The following SVOPL variants were observed in gnomAD, a reference collection of about 807,000 sequenced individuals.
SVOPL encodes the protein SVOP like.
A neutral mutation model predicts 61.0 loss-of-function variants in SVOPL; 60 were observed. That is an observed-to-expected ratio of 0.98 (90% confidence interval 0.80 to 1.22). The LOEUF (loss-of-function observed/expected upper bound fraction) is 1.22, where lower values mean the gene tolerates loss of function less well. SVOPL is among the 50% of genes most tolerant of loss of function. The pLI is 0.00. For missense variants in SVOPL, 662 were observed against 643.9 expected (o/e 1.03, Z -0.30); for synonymous variants, 279 against 250.0 (o/e 1.12, Z -1.09).
At chr7:138,635,552 A>C (rs1040897592) in intron 9 of SVOPL, among the ~76,000 whole-genome samples, 1 of 151,992 alleles carries the variant, frequency 6.6e-6, no homozygotes, top group Admixed American at 6.6e-5. Context: ...GTTTTGTTTT[A>C]AACTTGATAA....
chr7:138,623,032 G>A (rs1275603335), intron 13 of SVOPL, among the ~76,000 whole-genome samples: 1 of 152,198 alleles, frequency 6.6e-6, no homozygotes, highest in Middle Eastern at 3.4e-3. Flanking sequence ...CCACATCTTT[G>A]CCACCATCTG....
At chr7:138,623,937 A>G (rs956430810) in intron 13 of SVOPL, among the ~76,000 whole-genome samples, 2 of 151,958 alleles carry the variant, frequency 1.3e-5, no homozygotes. Flanking sequence ...CTCCTGCCTC[A>G]GCCTCCCAAG....
rs33996391 is a variant in SVOPL, at chr7:138,647,847, C to CAA, written c.660+1163_660+1164dup. On this transcript the variant is annotated intron_variant, in intron 8 of 15. Coordinates refer to ENST00000674285, the MANE Select transcript of SVOPL (RefSeq NM_001139456.2). ...TGGGCAATAGAGTAAGACTCCGTTTCAAAAAAAAAAAAAAAAAAAATAGTC... is the reference window on the plus strand; with the variant it reads ...TGGGCAATAGAGTAAGACTCCGTTTCAAAAAAAAAAAAAAAAAAAAAATAGTC... Among the ~76,000 whole-genome samples the CAA allele has an allele frequency of 7.2e-4, 74 of 102,716 alleles. 1 individual carries two copies. In the South Asian group the frequency reaches 0.017, roughly 24 times the overall value. The allele number at this position is 102,716 out of a possible 152,430, so 67.4% of individuals were successfully genotyped here.
intron 4 of SVOPL, among the ~76,000 whole-genome samples, chr7:138,666,106 G>A (rs552147552): frequency 3.0e-4 from 46 of 152,334 alleles, no homozygotes; most frequent in African/African-American, 1.1e-3. Flanking sequence ...ACTGATCCTT[G>A]TAGCCAAGGA....
At chr7:138,652,594 T>C (rs1294970154) in intron 7 of SVOPL, among the ~76,000 whole-genome samples, 1 of 147,130 alleles carries the variant, frequency 6.8e-6, no homozygotes, top group Admixed American at 7.1e-5. Context: ...AACAGGCAAG[T>C]TGTGAATGCA....
chr7:138,675,167 G>A (rs890368061), intron 3 of SVOPL, among the ~76,000 whole-genome samples: 3 of 151,562 alleles, frequency 2.0e-5, no homozygotes, highest in African/African-American at 7.3e-5. Context: ...TTGGGAGGCC[G>A]AGGTGGGAGG....
At chr7:138,684,648 T>A (rs914769277) in intron 1 of SVOPL, among the ~76,000 whole-genome samples, 5 of 152,180 alleles carry the variant, frequency 3.3e-5, no homozygotes, top group Non-Finnish European at 5.9e-5. Context: ...AAGGAACCCT[T>A]GTACACTGTT....
At chr7:138,689,848 C>T (rs1257872030) in intron 1 of SVOPL, among the ~76,000 whole-genome samples, 13 of 133,208 alleles carry the variant, frequency 9.8e-5, no homozygotes, top group Non-Finnish European at 1.7e-4. Context: ...CACAGTGAGA[C>T]TCCGTCTCAA....
chr7:138,631,822 G>A (rs1191440234), intron 9 of SVOPL, among the ~76,000 whole-genome samples: 1 of 152,010 alleles, frequency 6.6e-6, no homozygotes, highest in African/African-American at 2.4e-5. Flanking sequence ...ACCCGCCTTG[G>A]CCTCCCAAAG....
intron 11 of SVOPL, 139 bp from the exon 12 acceptor site, chr7:138,627,600 A>T (rs1169136800): frequency 1.5e-6 from 1 of 647,522 alleles, no homozygotes; most frequent in East Asian, 2.8e-5. Flanking sequence ...GCCAAAATCC[A>T]GTCACGTTGT....
At position 138,632,710 on chromosome 7, in the gene SVOPL, A is replaced by AG. The variant is rs1491097263; in HGVS notation, c.790-2589dup. On this transcript the variant is annotated intron_variant, in intron 9 of 15. Coordinates refer to ENST00000674285, the MANE Select transcript of SVOPL (RefSeq NM_001139456.2). ...AGAATGTGCAGGGAAGATGGGAGACAGGGGGTTGTGGAGGGAGGATGGGGG... is the reference window on the plus strand; with the variant it reads ...AGAATGTGCAGGGAAGATGGGAGACAGGGGGGTTGTGGAGGGAGGATGGGGG... Among the ~76,000 whole-genome samples the AG allele has an allele frequency of 2.9e-5, 4 of 137,668 alleles. No individual in the cohort carries two copies. In the East Asian group the frequency reaches 9.3e-4, roughly 32 times the overall value. The allele number at this position is 137,668 out of a possible 152,430, so 90.3% of individuals were successfully genotyped here.
At chr7:138,640,208 G>A (rs960482916) in intron 9 of SVOPL, among the ~76,000 whole-genome samples, 2 of 94,786 alleles carry the variant, frequency 2.1e-5, no homozygotes, top group Non-Finnish European at 4.0e-5. Context: ...CAAAGACAAT[G>A]ATTTTTTTTT....
intron 6 of SVOPL, among the ~76,000 whole-genome samples, chr7:138,658,873 C>A (rs1801871313): frequency 6.6e-6 from 1 of 151,888 alleles, no homozygotes; most frequent in Non-Finnish European, 1.5e-5. Context: ...GAAGTGCCCC[C>A]CCGCCCCAAC....
At chr7:138,608,848 G>C (rs997038814) in intron 14 of SVOPL, among the ~76,000 whole-genome samples, 7 of 152,058 alleles carry the variant, frequency 4.6e-5, no homozygotes, top group Non-Finnish European at 7.4e-5. Flanking sequence ...AGGAGAACAC[G>C]AACAAGAATG....
At chr7:138,621,862 C>G (rs150178904) in intron 13 of SVOPL, among the ~76,000 whole-genome samples, 8,813 of 37,382 alleles carry the variant, frequency 0.24, 373 homozygotes, top group East Asian at 0.52. Context: ...ATCTATCTAT[C>G]TATCTATCTA....
At chr7:138,682,578 G>T (rs902787362) in intron 1 of SVOPL, among the ~76,000 whole-genome samples, 6 of 152,094 alleles carry the variant, frequency 3.9e-5, no homozygotes. Context: ...GAGGAAAGGG[G>T]AACCTATAGA....
intron 3 of SVOPL, among the ~76,000 whole-genome samples, chr7:138,673,007 A>G (rs1802468635): frequency 1.3e-5 from 2 of 152,140 alleles, no homozygotes; most frequent in Admixed American, 6.6e-5. Context: ...GATGAGTCAA[A>G]GATGACTGAG....
chr7:138,697,248 T>A (rs937972160), intron 1 of SVOPL, among the ~76,000 whole-genome samples: 1 of 151,862 alleles, frequency 6.6e-6, no homozygotes, highest in Admixed American at 6.6e-5. Context: ...AAATAAAAAA[T>A]TTACAATGGC....
chr7:138,658,093 T>C (rs971372423), intron 6 of SVOPL, among the ~76,000 whole-genome samples: 10 of 152,226 alleles, frequency 6.6e-5, no homozygotes, highest in African/African-American at 2.4e-4. Flanking sequence ...CCAGTTTCTT[T>C]ACCACATCTT....
Sources: allele counts gnomAD v4.1 joint callset (sites outside exome capture counted in the v4.1 genomes callset), GRCh38; gene constraint gnomAD v4.1.1; transcripts MANE v1.5; gene names NCBI Gene and HGNC (gene_info 2026-07-23, HGNC 2026-07-21).